Variants in MGA observed in about 807,000 individuals in gnomAD.
MGA encodes the protein MAX gene-associated protein.
MGA carries 40 observed loss-of-function variants against 261.1 expected under a neutral mutation model. The observed-to-expected ratio is 0.15, with a 90% CI of 0.12 to 0.20. The LOEUF is 0.20. MGA is among the 10% of genes least tolerant of loss of function. MGA has a pLI of 1.00. For synonymous variants in MGA, 1,302 were observed against 1,290.6 expected (o/e 1.01, Z -0.19); for missense variants, 3,397 against 3,630.5 (o/e 0.94, Z 1.65).
intron 1 of MGA, among the ~76,000 whole-genome samples, chr15:41,638,677 C>CTTTTCT (rs1256528897): frequency 2.8e-5 from 4 of 140,432 alleles, no homozygotes; most frequent in Non-Finnish European, 6.2e-5. Context: ...CCTGGCCTTT[C>CTTTTCT]TTTTCTTTTT....
At position 41,750,723 on chromosome 15, in the gene MGA, G is replaced by A. The variant is rs998168916; in HGVS notation, c.7008+108G>A. ...TAAGGCATAATACATTTAATTGGAT[G>A]CCTAGGTTTAAGATTATGACTTAAA... On this transcript the variant is annotated intron_variant, in intron 17 of 23. Coordinates refer to ENST00000219905, the MANE Select transcript of MGA (RefSeq NM_001164273.2). 7.7e-6 allele frequency: 8 copies of A among 1,040,062 alleles called. No individual in the cohort carries two copies. In the Admixed American group the frequency reaches 1.7e-4, roughly 22 times the overall value. 64.4% of individuals were successfully genotyped at this position (1,040,062 alleles called of 1,614,324 possible). A position where few individuals can be genotyped will look rare whatever the true frequency, so the allele number is the denominator to read the frequency against.
intron 1 of MGA, among the ~76,000 whole-genome samples, chr15:41,622,137 C>G (rs1042436096): frequency 6.6e-6 from 1 of 152,124 alleles, no homozygotes; most frequent in African/African-American, 2.4e-5. Flanking sequence ...TTTTACTCCT[C>G]CCACATCGAA....
chr15:41,647,486 T>C (rs2056957876), intron 1 of MGA, among the ~76,000 whole-genome samples: 1 of 152,180 alleles, frequency 6.6e-6, no homozygotes, highest in Non-Finnish European at 1.5e-5. Flanking sequence ...TGTTAAATCC[T>C]TGACTCCTTG....
Position 41,749,552 on chromosome 15 carries a change from A to T in MGA, c.5945A>T (p.Asn1982Ile). The change falls in exon 17 of 24, where the codon AAC becomes ATC. Residue 1982 changes from asparagine (N) to isoleucine (I), a missense_variant. Coordinates refer to ENST00000219905, the MANE Select transcript of MGA (RefSeq NM_001164273.2). ...AATCCAGACCAGAAAGATGAAACAAACTCAATAAAAAGAGAGCAAGAAACG... is the reference window on the plus strand; with the variant it reads ...AATCCAGACCAGAAAGATGAAACAATCTCAATAAAAAGAGAGCAAGAAACG... 1 of 1,613,920 alleles carries T rather than the reference A, an allele frequency of 6.2e-7. No homozygotes were observed. Among genetic ancestry groups the T allele is most frequent in the African/African-American group, 1.3e-5 (1 of 75,028 alleles).
chr15:41,622,519 A>G (rs1299003926), intron 1 of MGA, among the ~76,000 whole-genome samples: 1 of 152,094 alleles, frequency 6.6e-6, no homozygotes, highest in Non-Finnish European at 1.5e-5. Context: ...TCCCATTTAT[A>G]CTTTATAGGG....
rs946415730 is a variant in MGA, at chr15:41,696,929, A to G, written c.1919A>G (p.Lys640Arg). Residue 640 changes from lysine (K) to arginine (R), a missense_variant, in exon 3 of 24, where the codon AAG becomes AGG. By Grantham distance (26) the Lys-to-Arg change is conservative. Coordinates refer to ENST00000219905, the MANE Select transcript of MGA (RefSeq NM_001164273.2). ...ACAGGAAAGTCTTTAATTTCTACAA[A>G]GAATACACCTGTAAGCCCTGGGAGT... 5 of 1,603,150 alleles carry G rather than the reference A, an allele frequency of 3.1e-6. No homozygotes were observed. The highest frequency in any genetic ancestry group is 3.4e-6 in the Non-Finnish European group (4 of 1,174,450).
At chr15:41,708,033 TATTA>T (rs1278370508) in intron 6 of MGA, 67 bp from the exon 7 acceptor site, 2 of 1,394,946 alleles carry the variant, frequency 1.4e-6, no homozygotes, top group African/African-American at 2.9e-5. Context: ...ATTAAAGTTT[TATTA>T]ATTAACTAGG....
chr15:41,635,949 A>G (rs1566925415), intron 1 of MGA, among the ~76,000 whole-genome samples: 2 of 152,210 alleles, frequency 1.3e-5, no homozygotes, highest in Non-Finnish European at 2.9e-5. Flanking sequence ...AGGTACAATT[A>G]CATATAGTAT....
chr15:41,661,128 G>A (rs1416639178), intron 1 of MGA, among the ~76,000 whole-genome samples: 1 of 152,222 alleles, frequency 6.6e-6, no homozygotes, highest in Non-Finnish European at 1.5e-5. Flanking sequence ...GTGAGCTGTA[G>A]GAGTGGGGAC....
chr15:41,729,102 G>A, intron 10 of MGA, 62 bp from the exon 11 acceptor site: 2 of 1,481,810 alleles, frequency 1.3e-6, no homozygotes, highest in Non-Finnish European at 1.8e-6. Flanking sequence ...CATTCGTTTT[G>A]TTTTGGAGTC....
intron 5 of MGA, among the ~76,000 whole-genome samples, chr15:41,705,961 A>G (rs562927872): frequency 6.6e-6 from 1 of 152,196 alleles, no homozygotes; most frequent in South Asian, 2.1e-4. Context: ...AATACAGGCC[A>G]GGTGCGGTGG....
At chr15:41,670,271 A>G (rs2057971094) in intron 2 of MGA, among the ~76,000 whole-genome samples, 1 of 152,200 alleles carries the variant, frequency 6.6e-6, no homozygotes, top group Admixed American at 6.5e-5. Flanking sequence ...ACCTGACTAC[A>G]TTTGAGACTC....
chr15:41,723,535 C>T (rs1042510270), intron 9 of MGA, among the ~76,000 whole-genome samples: 3 of 152,090 alleles, frequency 2.0e-5, no homozygotes, highest in Admixed American at 2.0e-4. Flanking sequence ...TCCGTCTTAG[C>T]CTCTGGAGTA....
chr15:41,708,124 T>C lies in MGA; in HGVS notation c.2341T>C (p.Ser781Pro), dbSNP rs1194827080. ...TATAGATGCGGGATTTCCCTTTGTT[T>C]CTAGGACAGGGAAAACCAATGATTT... is the stretch of plus-strand genomic sequence containing the variant. The change falls in exon 7 of 24, where the codon TCT becomes CCT. Residue 781 changes from serine (S) to proline (P), a missense_variant. Ser to Pro is a moderately conservative substitution (Grantham distance 74, BLOSUM62 -1). Coordinates refer to ENST00000219905, the MANE Select transcript of MGA (RefSeq NM_001164273.2). The C allele has an allele frequency of 6.3e-7, 1 of 1,590,434 alleles. No individual in the cohort carries two copies. Among genetic ancestry groups the C allele is most frequent in the African/African-American group, 1.3e-5 (1 of 74,624 alleles).
intron 1 of MGA, among the ~76,000 whole-genome samples, chr15:41,637,125 G>A (rs1417808701): frequency 2.0e-5 from 3 of 152,142 alleles, no homozygotes; most frequent in African/African-American, 7.2e-5. Context: ...GTAAATAAGT[G>A]GAAGGACCAT....
At chr15:41,753,682 T>C (rs957260749) in intron 17 of MGA, among the ~76,000 whole-genome samples, 1 of 151,998 alleles carries the variant, frequency 6.6e-6, no homozygotes, top group Non-Finnish European at 1.5e-5. Context: ...TATGCTAATG[T>C]GTGTTGATTT....
chr15:41,697,151 A>G, intron 3 of MGA, 128 bp downstream of exon 3: 1 of 759,682 alleles, frequency 1.3e-6, no homozygotes, highest in South Asian at 2.4e-5. Context: ...TGGGGGGTGG[A>G]GTTGGGAGGG....
chr15:41,656,038 T>C (rs2057160909), upstream of MGA, among the ~76,000 whole-genome samples: 1 of 152,222 alleles, frequency 6.6e-6, no homozygotes, highest in Non-Finnish European at 1.5e-5. Flanking sequence ...GTGGAGCTAA[T>C]GGTCTAATGC....
chr15:41,710,495 A>T (rs1205238271), intron 7 of MGA, among the ~76,000 whole-genome samples, 196 bp from the exon 8 acceptor site: 2 of 152,082 alleles, frequency 1.3e-5, no homozygotes, highest in African/African-American at 4.8e-5. Flanking sequence ...TTGAACTCCT[A>T]GCCTGTAGCG....
Sources: allele counts gnomAD v4.1 joint callset (sites outside exome capture counted in the v4.1 genomes callset), GRCh38; gene constraint gnomAD v4.1.1; transcripts MANE v1.5; gene names NCBI Gene and HGNC (gene_info 2026-07-23, HGNC 2026-07-21).